HS6ST2: variants seen among roughly 807,000 people sequenced by gnomAD.
The protein encoded by HS6ST2 is heparan sulfate 6-O-sulfotransferase 2.
In HS6ST2, 17 loss-of-function variants were observed where a neutral mutation model predicts 33.0. The observed-to-expected ratio is 0.52, with a 90% CI of 0.35 to 0.77. HS6ST2 has a LOEUF of 0.77. Among genes scored for constraint, HS6ST2 ranks in the 30% least tolerant of loss-of-function variants. HS6ST2 has a pLI of 0.01. For missense variants in HS6ST2, 519 were observed against 551.7 expected (o/e 0.94, Z 0.59); for synonymous variants, 248 against 237.1 (o/e 1.05, Z -0.42).
intron 2 of HS6ST2, among the ~76,000 whole-genome samples, chrX:132,954,909 A>T (rs1002627095): frequency 8.9e-6 from 1 of 111,988 alleles, no homozygotes; most frequent in Non-Finnish European, 1.9e-5. Flanking sequence ...GCCAGAGGAC[A>T]GTAGCCACCA....
intron 4 of HS6ST2, among the ~76,000 whole-genome samples, chrX:132,666,473 C>G (rs2148199276): frequency 9.0e-6 from 1 of 111,368 alleles, no homozygotes; most frequent in South Asian, 3.8e-4. Flanking sequence ...CAAAATTGTT[C>G]ATTTGGATAC....
intron 2 of HS6ST2, among the ~76,000 whole-genome samples, chrX:132,762,195 A>C (rs1278634027): frequency 9.0e-6 from 1 of 111,717 alleles, no homozygotes; most frequent in Non-Finnish European, 1.9e-5. Flanking sequence ...TTTGAACTCA[A>C]AGTCAAATTG....
intron 3 of HS6ST2, among the ~76,000 whole-genome samples, chrX:132,675,495 C>T (rs1157806501): frequency 1.8e-5 from 2 of 111,670 alleles, no homozygotes; most frequent in Non-Finnish European, 3.8e-5. Context: ...GTGAAGGCCT[C>T]GTTCCTGGTG....
At chrX:132,651,389 T>C (rs1323279303) in intron 4 of HS6ST2, among the ~76,000 whole-genome samples, 1 of 111,620 alleles carries the variant, frequency 9.0e-6, no homozygotes, top group African/African-American at 3.3e-5. Flanking sequence ...AGTTGATCTA[T>C]TGTATAAAGT....
chrX:132,766,252 T>G (rs2064847476), intron 2 of HS6ST2, among the ~76,000 whole-genome samples: 1 of 112,718 alleles, frequency 8.9e-6, no homozygotes, highest in South Asian at 3.6e-4. Context: ...AAATTATTGG[T>G]AAATGAATCT....
At chrX:132,813,670 A>G (rs1411777097) in intron 2 of HS6ST2, among the ~76,000 whole-genome samples, 1 of 110,551 alleles carries the variant, frequency 9.0e-6, no homozygotes, top group Non-Finnish European at 1.9e-5. Context: ...CTCTGACCAC[A>G]TCAAATTGGT....
intron 2 of HS6ST2, among the ~76,000 whole-genome samples, chrX:132,794,521 T>G (rs1433402967): frequency 9.1e-6 from 1 of 109,295 alleles, no homozygotes; most frequent in Non-Finnish European, 1.9e-5. Flanking sequence ...AGTTTCCTGA[T>G]TAGCTGGGAC....
At chrX:132,640,739 A>T (rs2063596641) in intron 4 of HS6ST2, among the ~76,000 whole-genome samples, 1 of 112,175 alleles carries the variant, frequency 8.9e-6, no homozygotes, top group Non-Finnish European at 1.9e-5. Flanking sequence ...ATTTATACTG[A>T]TTATATGTTG....
chrX:132,949,406 A>G (rs1462086802), intron 2 of HS6ST2, among the ~76,000 whole-genome samples: 1 of 110,941 alleles, frequency 9.0e-6, no homozygotes, highest in Non-Finnish European at 1.9e-5. Flanking sequence ...AGAAAGAAAC[A>G]ATAGCAATTC....
At chrX:132,671,606 G>A (rs762137196) in intron 3 of HS6ST2, among the ~76,000 whole-genome samples, 13 of 110,067 alleles carry the variant, frequency 1.2e-4, no homozygotes, top group Non-Finnish European at 1.7e-4. Context: ...TCAGCTGGCA[G>A]CGGCAGCCTC....
At chrX:132,930,920 C>A (rs983885275) in intron 2 of HS6ST2, among the ~76,000 whole-genome samples, 1 of 111,230 alleles carries the variant, frequency 9.0e-6, no homozygotes, top group Admixed American at 9.5e-5. Context: ...TAGGACCCAG[C>A]ATCCCTGAAC....
intron 4 of HS6ST2, among the ~76,000 whole-genome samples, chrX:132,637,746 A>AT (rs1442398208): frequency 2.5e-5 from 2 of 78,982 alleles, no homozygotes; most frequent in Non-Finnish European, 4.6e-5. Flanking sequence ...TATATATAAA[A>AT]AATATATATA....
intron 2 of HS6ST2, among the ~76,000 whole-genome samples, chrX:132,915,400 T>C (rs1424227181): frequency 8.9e-6 from 1 of 112,309 alleles, no homozygotes; most frequent in Admixed American, 9.5e-5. Context: ...TTCTAGTGAA[T>C]AACTCTTTCC....
chrX:132,771,550 T>C (rs1239905667), intron 2 of HS6ST2, among the ~76,000 whole-genome samples: 1 of 111,709 alleles, frequency 9.0e-6, no homozygotes, highest in Non-Finnish European at 1.9e-5. Flanking sequence ...GTTCGGCATA[T>C]AACTTTAGAA....
chrX:132,639,383 C>T (rs945044414), intron 4 of HS6ST2, among the ~76,000 whole-genome samples: 2 of 111,964 alleles, frequency 1.8e-5, no homozygotes, highest in African/African-American at 3.2e-5. Context: ...CTGCCTTTCT[C>T]CCAATTTTTT....
intron 2 of HS6ST2, among the ~76,000 whole-genome samples, chrX:132,804,309 G>C (rs1484150931): frequency 8.9e-6 from 1 of 111,754 alleles, no homozygotes; most frequent in East Asian, 2.8e-4. Context: ...TTAGAACCCT[G>C]CCCCGAGCAA....
chrX:132,825,124 C>T (rs1371548066), intron 2 of HS6ST2, among the ~76,000 whole-genome samples: 1 of 111,896 alleles, frequency 8.9e-6, no homozygotes, highest in Non-Finnish European at 1.9e-5. Context: ...ACTTCTAAAA[C>T]TGTGTGACTC....
At chrX:132,708,779 C>A (rs941778694) in intron 2 of HS6ST2, among the ~76,000 whole-genome samples, 4 of 110,866 alleles carry the variant, frequency 3.6e-5, no homozygotes, top group Non-Finnish European at 5.7e-5. Context: ...CATGCTAATT[C>A]CATTCCCCTT....
chrX:132,762,556 G>A (rs911697642), intron 2 of HS6ST2, among the ~76,000 whole-genome samples: 4 of 111,947 alleles, frequency 3.6e-5, no homozygotes, highest in African/African-American at 6.5e-5. Flanking sequence ...GGAGAGTGGT[G>A]CATGTCCAAA....
Sources: allele counts gnomAD v4.1 joint callset (sites outside exome capture counted in the v4.1 genomes callset), GRCh38; gene constraint gnomAD v4.1.1; transcripts MANE v1.5; gene names NCBI Gene and HGNC (gene_info 2026-07-23, HGNC 2026-07-21).